DAW1: variants seen among roughly 807,000 people sequenced by gnomAD.
DAW1 encodes the protein dynein assembly factor with WD repeat domains 1.
DAW1 carries 47 observed loss-of-function variants against 56.5 expected under a neutral mutation model. That is an observed-to-expected ratio of 0.83 (90% CI 0.66 to 1.06). DAW1 has a LOEUF of 1.06. Among genes scored for constraint, DAW1 ranks in the 50% least tolerant of loss-of-function variants. The pLI is 0.00. For synonymous variants in DAW1, 190 were observed against 179.0 expected (o/e 1.06, Z -0.49); for missense variants, 505 against 499.3 (o/e 1.01, Z -0.11).
At chr2:227,918,667 C>T in intron 10 of DAW1, 113 bp from the exon 11 acceptor site, 1 of 1,161,902 alleles carries the variant, frequency 8.6e-7, no homozygotes, top group Non-Finnish European at 1.2e-6. Context: ...AGAAGATGAA[C>T]TTAGCACAGA....
In DAW1 at chr2:227,924,079, T is replaced by A; in HGVS notation, c.*111T>A. ...CTTATACTTTCTCTTTTTCTGCAAG[T>A]CAACTATTTCTACAACTGTCCTTCA... is the stretch of plus-strand genomic sequence containing the variant. On this transcript the variant is annotated 3_prime_UTR_variant, in exon 13 of 13. Coordinates refer to ENST00000309931, the MANE Select transcript of DAW1 (RefSeq NM_178821.3). The A allele has an allele frequency of 7.8e-7, 1 of 1,280,898 alleles. No individual in the cohort carries two copies. Among genetic ancestry groups the A allele is most frequent in the Non-Finnish European group, 1.1e-6 (1 of 901,354 alleles). The allele number at this position is 1,280,898 out of a possible 1,614,324, so 79.3% of individuals were successfully genotyped here.
At chr2:227,912,434 T>C (rs1691852125) in intron 10 of DAW1, 1 of 1,304,756 alleles carries the variant, frequency 7.7e-7, no homozygotes, top group African/African-American at 1.5e-5. Flanking sequence ...GACGTGATGC[T>C]AAACTATGCC....
At chr2:227,921,893 C>T (rs1042778060) in intron 12 of DAW1, among the ~76,000 whole-genome samples, 2 of 152,212 alleles carry the variant, frequency 1.3e-5, no homozygotes, top group Non-Finnish European at 2.9e-5. Context: ...CAGCCAGGCG[C>T]ATTGGCTCAT....
At chr2:227,918,751 T>G in intron 10 of DAW1, 29 bp from the exon 11 acceptor site, 1 of 1,610,160 alleles carries the variant, frequency 6.2e-7, no homozygotes, top group East Asian at 2.2e-5. Context: ...TAAGATGAAT[T>G]TATATATATC....
chr2:227,913,272 T>G (rs984143748), intron 10 of DAW1, among the ~76,000 whole-genome samples: 1 of 152,172 alleles, frequency 6.6e-6, no homozygotes. Flanking sequence ...TATCGACATG[T>G]GATGTTATAT....
chr2:227,911,349 T>C (rs1434209041), intron 10 of DAW1, among the ~76,000 whole-genome samples: 1 of 137,574 alleles, frequency 7.3e-6, no homozygotes, highest in African/African-American at 2.6e-5. Flanking sequence ...TATACACATG[T>C]GTATATATAA....
chr2:227,887,706 T>G (rs1471884118), intron 2 of DAW1: 1 of 152,232 alleles, frequency 6.6e-6, no homozygotes, highest in Non-Finnish European at 1.5e-5. Flanking sequence ...TTAACTATAG[T>G]CACTCAATCG....
In DAW1 at chr2:227,904,919, C is replaced by T. The variant is rs1691643434; in HGVS notation, c.649-10C>T. The T allele has an allele frequency of 6.2e-7, 1 of 1,610,278 alleles. No individual in the cohort carries two copies. The highest frequency in any genetic ancestry group is 1.7e-5 in the Admixed American group (1 of 59,732). On this transcript the variant is annotated splice_polypyrimidine_tract_variant and intron_variant, in intron 7 of 12. Coordinates refer to ENST00000309931, the MANE Select transcript of DAW1 (RefSeq NM_178821.3). ...GCAGGTATACTTGACAGTATCTGCT[C>T]TTTTTCTAGGGACATTCTGCCGAAA...
intron 7 of DAW1, 86 bp from the exon 8 acceptor site, chr2:227,904,843 G>T: frequency 7.7e-7 from 1 of 1,302,308 alleles, no homozygotes; most frequent in Non-Finnish European, 1.1e-6. Flanking sequence ...GCCTTCTCCA[G>T]CATTTCCTTT....
Position 227,871,748 on chromosome 2 carries a change from C to G in DAW1, c.40+19C>G. 1 of 1,613,648 alleles carries G rather than the reference C, an allele frequency of 6.2e-7. No homozygotes were observed. Among genetic ancestry groups the G allele is most frequent in the South Asian group, 1.1e-5 (1 of 90,980 alleles). On this transcript the variant is annotated intron_variant, in intron 1 of 12. Transcript: ENST00000309931. The stretch of plus-strand genomic sequence containing the variant: ...CCGCCAGGTACGCACCAGCCCGGCC[C>G]CGTCATCCCCACGTGGGACCCTGGG...
chr2:227,879,559 A>G (rs1326837180), intron 1 of DAW1, among the ~76,000 whole-genome samples: 1 of 151,930 alleles, frequency 6.6e-6, no homozygotes, highest in African/African-American at 2.4e-5. Context: ...CGAATTTGTC[A>G]ATTTTTTCTT....
rs767293319 is a variant in DAW1, at chr2:227,890,007, G to A, written c.258+7G>A. 3 of 1,537,080 alleles carry A rather than the reference G, an allele frequency of 2.0e-6. No homozygotes were observed. Among genetic ancestry groups the A allele is most frequent in the South Asian group, 2.6e-5 (2 of 78,254 alleles). ...CACGTTCTATCTTTTTAAGGTAATG[G>A]ATTTAAAAACAATCAGATAGAAGAA... On this transcript the variant is annotated splice_region_variant and intron_variant, in intron 3 of 12. Transcript: ENST00000309931.
chr2:227,879,344 T>C (rs12469164), intron 1 of DAW1, among the ~76,000 whole-genome samples: 73,448 of 151,984 alleles, frequency 0.48, 17,973 homozygotes, highest in Admixed American at 0.58. Context: ...CTTTTTGTTT[T>C]GGTTTGTTTA....
chr2:227,871,663 A>C lies in DAW1; in HGVS notation c.-27A>C. The C allele has an allele frequency of 2.5e-6, 4 of 1,611,764 alleles. No homozygotes were observed. Among genetic ancestry groups the C allele is most frequent in the Middle Eastern group, 1.7e-4 (1 of 6,058 alleles). ...AGCCGTTTCCAAGGCTACGAAGCCC[A>C]TCGGCCGGGGATAAGAGAGCAAGAA... On this transcript the variant is annotated 5_prime_UTR_variant, in exon 1 of 13. Transcript: ENST00000309931.
At chr2:227,890,776 A>T (rs754211397) in intron 3 of DAW1, among the ~76,000 whole-genome samples, 1 of 152,248 alleles carries the variant, frequency 6.6e-6, no homozygotes, top group Non-Finnish European at 1.5e-5. Flanking sequence ...GTGAAAGTAG[A>T]TGCTATTCAT....
Position 227,918,356 on chromosome 2 carries a change from C to T in DAW1, c.974-424C>T, listed in dbSNP as rs575292690. On this transcript the variant is annotated intron_variant, in intron 10 of 12. Coordinates refer to ENST00000309931, the MANE Select transcript of DAW1 (RefSeq NM_178821.3). ...AGCCTGTTTTTTGCCTGTTGAGTAG[C>T]GGCTGATGCTCCTTCTTGGGATGTT... is the stretch of plus-strand genomic sequence containing the variant. Among the ~76,000 whole-genome samples the T allele has an allele frequency of 5.3e-5, 8 of 152,288 alleles. No homozygotes were observed. The South Asian group carries it at 8.3e-4, about 16-fold the overall frequency.
intron 10 of DAW1, among the ~76,000 whole-genome samples, chr2:227,916,085 T>G (rs1414286362): frequency 1.3e-5 from 2 of 152,170 alleles, no homozygotes; most frequent in Non-Finnish European, 2.9e-5. Context: ...CCATGTATGA[T>G]GCAACATTAT....
Position 227,876,839 on chromosome 2 carries a change from A to C in DAW1, c.40+5110A>C, listed in dbSNP as rs539950292. Among the ~76,000 whole-genome samples the C allele has an allele frequency of 9.2e-5, 14 of 152,338 alleles. No homozygotes were observed. In the South Asian group the frequency reaches 2.9e-3, roughly 32 times the overall value. Reference sequence around the variant, plus strand: ...GGTGTTGACTATGTGCTTTTCAGCTAACTCAGTTATGACAATTTTTGTATT... The same window carrying C: ...GGTGTTGACTATGTGCTTTTCAGCTCACTCAGTTATGACAATTTTTGTATT... On this transcript the variant is annotated intron_variant, in intron 1 of 12. Transcript: ENST00000309931.
At chr2:227,912,223 C>G (rs1348143224) in intron 10 of DAW1, 2 of 425,710 alleles carry the variant, frequency 4.7e-6, no homozygotes, top group African/African-American at 2.1e-5. Flanking sequence ...ATCTATGTCA[C>G]CTTCTTTCTC....
Sources: gnomAD v4.1 joint callset for allele counts (sites outside exome capture counted in the v4.1 genomes callset) on GRCh38, gnomAD v4.1.1 for gene constraint, MANE v1.5 for transcripts, NCBI Gene and HGNC (gene_info 2026-07-23, HGNC 2026-07-21) for gene names.